The following DNAH8 variants were observed in gnomAD, a reference collection of about 807,000 sequenced individuals.
DNAH8 encodes the protein dynein axonemal heavy chain 8.
DNAH8 carries 382 observed loss-of-function variants against 562.1 expected under a neutral mutation model. The observed-to-expected ratio is 0.68, with a 90% CI of 0.63 to 0.74. The LOEUF is 0.74. DNAH8 is among the 30% of genes least tolerant of loss of function. The probability of loss-of-function intolerance (pLI) is 0.00; values close to 1 mark genes in which losing one functional copy is unlikely to be tolerated. For synonymous variants in DNAH8, 1,881 were observed against 1,919.4 expected (o/e 0.98, Z 0.52); for missense variants, 5,203 against 5,620.4 (o/e 0.93, Z 2.37).
chr6:38,729,875 A>C (rs757760799), intron 3 of DNAH8, 27 bp from the exon 4 acceptor site: 1 of 1,242,336 alleles, frequency 8.0e-7, no homozygotes, highest in Admixed American at 2.0e-5. Context: ...TAGTCGTTTG[A>C]TTATCATTTT....
intron 49 of DNAH8, among the ~76,000 whole-genome samples, chr6:38,871,791 C>A (rs1777485731): frequency 6.6e-6 from 1 of 152,152 alleles, no homozygotes; most frequent in Non-Finnish European, 1.5e-5. Flanking sequence ...ATTTTGTTGG[C>A]AGGCACAAAG....
intron 58 of DNAH8, among the ~76,000 whole-genome samples, chr6:38,891,001 A>C (rs955345241): frequency 1.3e-5 from 2 of 152,246 alleles, no homozygotes; most frequent in Non-Finnish European, 2.9e-5. Context: ...TCCAAGACAA[A>C]GTAGAATTTT....
chr6:38,873,030 T>G lies in DNAH8; in HGVS notation c.7362T>G (p.Pro2454=). 2 of 1,614,134 alleles carry G rather than the reference T, an allele frequency of 1.2e-6. No homozygotes were observed. Among genetic ancestry groups the G allele is most frequent in the Non-Finnish European group, 1.7e-6 (2 of 1,179,996 alleles). Residue 2454 remains proline, a synonymous_variant, in exon 51 of 93, where the codon CCT becomes CCG. Coordinates refer to ENST00000327475, the MANE Select transcript of DNAH8 (RefSeq NM_001206927.2). ...LANGDRIPMA[P]SCKLLFEVHN... Reference sequence around the variant, plus strand: ...ATGGAGATCGCATTCCCATGGCCCCTAGTTGTAAGCTTCTGTTTGAAGTCC... The same window carrying G: ...ATGGAGATCGCATTCCCATGGCCCCGAGTTGTAAGCTTCTGTTTGAAGTCC...
chr6:38,832,486 A>T (rs778776050), intron 31 of DNAH8, 51 bp downstream of exon 31: 2 of 1,175,370 alleles, frequency 1.7e-6, no homozygotes, highest in Admixed American at 1.8e-5. Flanking sequence ...TGATGTGTTT[A>T]TATGAAATGA....
intron 7 of DNAH8, among the ~76,000 whole-genome samples, chr6:38,740,656 C>A (rs1764451230): frequency 6.6e-6 from 1 of 151,820 alleles, no homozygotes; most frequent in Admixed American, 6.6e-5. Context: ...ATTCTGTCAC[C>A]CAAGCTGGAG....
At chr6:38,854,118 A>G (rs1730805263) in intron 41 of DNAH8, among the ~76,000 whole-genome samples, 1 of 152,256 alleles carries the variant, frequency 6.6e-6, no homozygotes, top group Non-Finnish European at 1.5e-5. Context: ...GGGAATGAGC[A>G]TACCTTTTCT....
chr6:38,738,481 C>T (rs984811517), intron 7 of DNAH8, among the ~76,000 whole-genome samples: 1 of 152,146 alleles, frequency 6.6e-6, no homozygotes, highest in Non-Finnish European at 1.5e-5. Flanking sequence ...AGGAATACAA[C>T]ATATGTCAAA....
At chr6:38,726,547 T>A (rs1763235003) in intron 3 of DNAH8, among the ~76,000 whole-genome samples, 1 of 152,196 alleles carries the variant, frequency 6.6e-6, no homozygotes, top group Non-Finnish European at 1.5e-5. Flanking sequence ...CTGCTTAGGC[T>A]GCAAGGAATG....
rs1434750964 is a variant in DNAH8, at chr6:38,870,416, C to T, written c.6844C>T (p.Pro2282Ser). Residue 2282 changes from proline to serine, a missense_variant, in exon 49 of 93, where the codon CCC becomes TCC. Physicochemically the swap from Pro to Ser is moderately conservative, Grantham distance 74. This residue lies in a region of DNAH8 where 2,176 missense variants were observed against 2,365.1 expected (regional missense o/e 0.92). Coordinates refer to ENST00000327475, the MANE Select transcript of DNAH8 (RefSeq NM_001206927.2). ...GCCACCTTAGGTTGATGAAGATGAA[C>T]CCCTGTTCCTCAGCTTAATCAATGA... ...NLSKLVDEDE[P>S]LFLSLINDLF... 15 of 1,613,362 alleles carry T rather than the reference C, an allele frequency of 9.3e-6. No individual in the cohort carries two copies. The highest frequency in any genetic ancestry group is 1.3e-5 in the Non-Finnish European group (15 of 1,179,758).
At position 38,860,485 on chromosome 6, in the gene DNAH8, A is replaced by T; in HGVS notation, c.5987A>T (p.Asp1996Val). The change falls in exon 43 of 93, where the codon GAC (aspartate) becomes GTC (valine). Residue 1996 changes from aspartate (D) to valine (V), a missense_variant. Coordinates refer to ENST00000327475, the MANE Select transcript of DNAH8 (RefSeq NM_001206927.2). The part of the protein sequence containing the change: ...LVKMHIKSPT[D>V]FEWLKQSRFY... ...AAAATGCATATCAAATCACCTACTG[A>T]CTTTGAATGGCTAAAACAGAGTAGA... 6.8e-7 allele frequency: 1 copy of T among 1,461,914 alleles called. No individual in the cohort carries two copies. The highest frequency in any genetic ancestry group is 9.0e-7 in the Non-Finnish European group (1 of 1,105,070). The allele number at this position is 1,461,914 out of a possible 1,614,324, so 90.6% of individuals were successfully genotyped here. A position where few individuals can be genotyped will look rare whatever the true frequency, so the allele number is the denominator to read the frequency against.
intron 81 of DNAH8, among the ~76,000 whole-genome samples, chr6:38,950,443 CTT>C (rs34121756): frequency 5.1e-4 from 72 of 140,416 alleles, no homozygotes; most frequent in Non-Finnish European, 5.9e-4. Context: ...TATGAAAAGG[CTT>C]TTTTTTTTTT....
chr6:38,809,838 C>T (rs943053978), intron 24 of DNAH8, among the ~76,000 whole-genome samples: 1 of 152,156 alleles, frequency 6.6e-6, no homozygotes, highest in Non-Finnish European at 1.5e-5. Flanking sequence ...TAGGTGCATA[C>T]AAGGTCGTAG....
intron 76 of DNAH8, among the ~76,000 whole-genome samples, chr6:38,932,401 T>C (rs748856361): frequency 4.6e-5 from 7 of 152,100 alleles, no homozygotes; most frequent in Non-Finnish European, 8.8e-5. Flanking sequence ...TCTAATGATA[T>C]AGGGAGCCAT....
At chr6:38,929,002 G>A (rs1351802666) in intron 74 of DNAH8, among the ~76,000 whole-genome samples, 1 of 152,190 alleles carries the variant, frequency 6.6e-6, no homozygotes. Context: ...TTTACGGAAA[G>A]TGTTAAATTC....
intron 30 of DNAH8, among the ~76,000 whole-genome samples, chr6:38,830,384 C>T (rs1006547460): frequency 6.6e-6 from 1 of 151,938 alleles, no homozygotes; most frequent in Middle Eastern, 3.4e-3. Flanking sequence ...CCTGTAATCC[C>T]AGCACTTTGG....
At chr6:38,715,952 A>T (rs370925756) in intron 1 of DNAH8, among the ~76,000 whole-genome samples, 2,146 of 25,470 alleles carry the variant, frequency 0.084, 256 homozygotes, top group East Asian at 0.3. Flanking sequence ...ATATATATAT[A>T]TATATATATT....
chr6:38,743,805 A>G (rs1368674599), intron 8 of DNAH8, among the ~76,000 whole-genome samples: 2 of 152,100 alleles, frequency 1.3e-5, no homozygotes, highest in African/African-American at 4.8e-5. Flanking sequence ...TTTTTTGGCA[A>G]TTATGCATAA....
At chr6:38,974,931 C>G (rs1289319078) in intron 85 of DNAH8, among the ~76,000 whole-genome samples, 1 of 152,212 alleles carries the variant, frequency 6.6e-6, no homozygotes, top group African/African-American at 2.4e-5. Context: ...TCCTGTAATA[C>G]TAACAACCAC....
chr6:38,793,234 G>A (rs1477942164), intron 21 of DNAH8, among the ~76,000 whole-genome samples: 1 of 152,110 alleles, frequency 6.6e-6, no homozygotes, highest in African/African-American at 2.4e-5. Flanking sequence ...GCTCACTGCA[G>A]ACTAGAATTC....
Sources: gnomAD v4.1 joint callset for allele counts (sites outside exome capture counted in the v4.1 genomes callset) on GRCh38, gnomAD v4.1.1 for gene constraint, gnomAD v4.1.1 regional missense constraint, MANE v1.5 for transcripts, NCBI Gene and HGNC (gene_info 2026-07-23, HGNC 2026-07-21) for gene names.